ADSL: variants seen among roughly 807,000 people sequenced by gnomAD.
ADSL encodes the protein adenylosuccinate lyase.
Under a neutral mutation model 62.1 loss-of-function variants are expected in ADSL, and 44 were observed. That is an observed-to-expected ratio of 0.71 (90% CI 0.56 to 0.91). The LOEUF is 0.91. ADSL is among the 40% of genes least tolerant of loss of function. The pLI is 0.00. For synonymous variants in ADSL, 198 were observed against 220.5 expected, an observed-to-expected ratio of 0.90 and a Z score of 0.90; for missense variants, 531 against 627.4, an observed-to-expected ratio of 0.85 and a Z score of 1.64.
rs2045051005 is a variant in ADSL at position 40,367,935 on chromosome 22, T to C, written c.*1413T>C. 6.6e-6 allele frequency: 1 copy of C among 152,046 alleles called. No individual in the cohort carries two copies. The highest frequency in any genetic ancestry group is 2.1e-4 in the South Asian group (1 of 4,820). 9.4% of individuals were successfully genotyped at this position (152,046 alleles called of 1,614,324 possible). Reference sequence around the variant, plus strand: ...ACTGAGAGAAGACTGTTTTAGGAGGTGTTAATGGTTGTCCAGTGCCCAAAA... The same window carrying C: ...ACTGAGAGAAGACTGTTTTAGGAGGCGTTAATGGTTGTCCAGTGCCCAAAA... On this transcript the variant is annotated 3_prime_UTR_variant, in exon 13 of 13. Transcript: ENST00000623063.
chr22:40,364,859 A>AAT, intron 11 of ADSL, 21 bp from the exon 12 acceptor site: 4 of 1,613,984 alleles, frequency 2.5e-6, no homozygotes, highest in Non-Finnish European at 3.4e-6. Flanking sequence ...GGGAACTGAC[A>AAT]ATACTTCACT....
chr22:40,370,501 G>C (rs957759707), downstream of ADSL: 5 of 152,462 alleles, frequency 3.3e-5, no homozygotes, highest in Middle Eastern at 3.4e-3. Context: ...GCCTTGGGAT[G>C]GGGGCGCAAA....
chr22:40,351,508 T>C (rs540617615), intron 2 of ADSL, among the ~76,000 whole-genome samples: 60 of 152,156 alleles, frequency 3.9e-4, no homozygotes, highest in Non-Finnish European at 6.6e-4. Flanking sequence ...TGTTTCACCA[T>C]GCTGCCCAGA....
intron 2 of ADSL, among the ~76,000 whole-genome samples, chr22:40,380,868 G>A (rs1174406053): frequency 3.9e-5 from 6 of 152,044 alleles, no homozygotes; most frequent in Admixed American, 6.6e-5. Context: ...CTGGGAGGTC[G>A]AGGCTGCAGT....
chr22:40,346,775 C>G, intron 1 of ADSL, 64 bp downstream of exon 1: 1 of 1,521,976 alleles, frequency 6.6e-7, no homozygotes, highest in South Asian at 1.2e-5. Flanking sequence ...ACGTGCCGGG[C>G]TCTGTTCCGG....
chr22:40,364,135 C>A, intron 10 of ADSL, 141 bp from the exon 11 acceptor site: 1 of 714,620 alleles, frequency 1.4e-6, no homozygotes, highest in Non-Finnish European at 2.5e-6. Context: ...GAAAAAACAT[C>A]ATATAGAATA....
At chr22:40,354,444 G>GCATCCCAAAT in intron 4 of ADSL, 117 bp downstream of exon 4, 2 of 858,074 alleles carry the variant, frequency 2.3e-6, no homozygotes, top group Non-Finnish European at 4.0e-6. Flanking sequence ...TTAAATATAA[G>GCATCCCAAAT]TAATTTGGGA....
rs1001429687 is a variant in ADSL, at chr22:40,368,245, A to G, written c.*1723A>G. ...GACATTGGAACCACTGAGATTAGCAACCTACACTCAATCCCCCAGGTCAGG... is the reference window on the plus strand; with the variant it reads ...GACATTGGAACCACTGAGATTAGCAGCCTACACTCAATCCCCCAGGTCAGG... On this transcript the variant is annotated 3_prime_UTR_variant, in exon 13 of 13. Coordinates refer to ENST00000623063, the MANE Select transcript of ADSL (RefSeq NM_000026.4). The G allele has an allele frequency of 1.3e-5, 2 of 152,206 alleles. No homozygotes were observed. The highest frequency in any genetic ancestry group is 4.8e-5 in the African/African-American group (2 of 41,446). 9.4% of individuals were successfully genotyped at this position (152,206 alleles called of 1,614,324 possible).
chr22:40,347,432 A>G (rs887866950), intron 1 of ADSL: 1 of 152,394 alleles, frequency 6.6e-6, no homozygotes, highest in East Asian at 1.9e-4. Context: ...GGTTTCAGAA[A>G]TAGCTCCAGA....
At chr22:40,347,974 G>A (rs779935036) in intron 1 of ADSL, among the ~76,000 whole-genome samples, 14 of 152,304 alleles carry the variant, frequency 9.2e-5, no homozygotes, top group Non-Finnish European at 1.3e-4. Flanking sequence ...CTTTGCCAGG[G>A]TCGCCAAAGC....
At chr22:40,371,925 C>T (rs192950633), downstream of ADSL, among the ~76,000 whole-genome samples, 68 of 152,114 alleles carry the variant, frequency 4.5e-4, no homozygotes, top group African/African-American at 1.4e-3. Context: ...TCTCGAACTC[C>T]TGACCACAGG....
At chr22:40,373,492 T>G (rs1364115691), downstream of ADSL, 1 of 152,250 alleles carries the variant, frequency 6.6e-6, no homozygotes, top group East Asian at 1.9e-4. Flanking sequence ...GTATATCATC[T>G]TCTAGACTTA....
intron 2 of ADSL, among the ~76,000 whole-genome samples, chr22:40,385,550 AAG>A (rs1214897018): frequency 2.6e-5 from 4 of 152,222 alleles, no homozygotes; most frequent in Non-Finnish European, 5.9e-5. Context: ...GGCGGGCAGA[AAG>A]AGCAAACAGG....
At chr22:40,377,686 A>C (rs1027595069) in intron 2 of ADSL, among the ~76,000 whole-genome samples, 7 of 152,078 alleles carry the variant, frequency 4.6e-5, no homozygotes, top group African/African-American at 1.4e-4. Flanking sequence ...AAAAAACTTT[A>C]AAAATTATAA....
In ADSL at chr22:40,361,286, T is replaced by TA. The variant is rs774729848; in HGVS notation, c.807dup (p.Arg270ThrfsTer14). On this transcript the variant is annotated frameshift_variant, in exon 8 of 13. Transcript: ENST00000623063. LOFTEE classifies it high-confidence loss of function. ...TACCTCCCCCAGATTTGCACCGACA[T>TA]ACGCCTCCTGGCAAACCTCAAGGAG... 2.5e-6 allele frequency: 4 copies of TA among 1,614,000 alleles called. No individual in the cohort carries two copies. Among genetic ancestry groups the TA allele is most frequent in the African/African-American group, 1.3e-5 (1 of 74,900 alleles).
intron 3 of ADSL, 56 bp from the exon 4 acceptor site, chr22:40,354,192 A>G (rs2044461230): frequency 1.4e-6 from 2 of 1,409,490 alleles, no homozygotes; most frequent in Admixed American, 1.7e-5. Context: ...GTTCCTAATT[A>G]TGTAATGAAC....
intron 2 of ADSL, among the ~76,000 whole-genome samples, chr22:40,384,257 A>G (rs996396094): frequency 2.0e-5 from 3 of 152,052 alleles, no homozygotes; most frequent in Non-Finnish European, 4.4e-5. Flanking sequence ...AACAACAACA[A>G]CGACAAAAAA....
At chr22:40,376,492 T>C (rs926437419) in intron 2 of ADSL, 2 of 152,156 alleles carry the variant, frequency 1.3e-5, no homozygotes, top group Admixed American at 1.3e-4. Context: ...TTACAAGTTA[T>C]CTGTCATGCC....
In ADSL at chr22:40,363,050, A is replaced by G. The variant is rs1261988894; in HGVS notation, c.1080A>G (p.Glu360=). 2 of 1,614,010 alleles carry G rather than the reference A, an allele frequency of 1.2e-6. No homozygotes were observed. The highest frequency in any genetic ancestry group is 1.7e-5 in the Admixed American group (1 of 59,992). The change falls in exon 10 of 13, where the codon GAA becomes GAG. Residue 360 remains glutamate (E), a synonymous_variant. Coordinates refer to ENST00000623063, the MANE Select transcript of ADSL (RefSeq NM_000026.4). ...TILNTLQNIS[E]GLVVYPKVIE... is the part of the protein sequence containing the mutation. Reference sequence around the variant, plus strand: ...TGAATACGCTGCAGAACATTTCTGAAGGATTGGTCGTGTACCCCAAAGTAA... The same window carrying G: ...TGAATACGCTGCAGAACATTTCTGAGGGATTGGTCGTGTACCCCAAAGTAA...
Sources: gnomAD v4.1 joint callset for allele counts (sites outside exome capture counted in the v4.1 genomes callset) on GRCh38, gnomAD v4.1.1 for gene constraint, MANE v1.5 for transcripts, NCBI Gene and HGNC (gene_info 2026-07-23, HGNC 2026-07-21) for gene names.